The following EIF2B3 variants were observed in gnomAD, a reference collection of about 807,000 sequenced individuals.
The protein encoded by EIF2B3 is translation initiation factor eIF2B subunit gamma.
EIF2B3 carries 20 observed loss-of-function variants against 54.1 expected under a neutral mutation model. That is an observed-to-expected ratio of 0.37 (90% CI 0.26 to 0.54). The LOEUF (loss-of-function observed/expected upper bound fraction) is 0.54, where lower values mean the gene tolerates loss of function less well. EIF2B3 is among the 20% of genes least tolerant of loss of function. The pLI is 0.86. For missense variants in EIF2B3, 448 were observed against 547.8 expected (o/e 0.82, Z 1.82); for synonymous variants, 153 against 188.1 (o/e 0.81, Z 1.52).
At chr1:44,967,739 CAA>C (rs35067923) in intron 3 of EIF2B3, among the ~76,000 whole-genome samples, 1,374 of 49,470 alleles carry the variant, frequency 0.028, 9 homozygotes, top group African/African-American at 0.048. Context: ...ATGCTGTCTT[CAA>C]AAAAAAAAAA....
intron 5 of EIF2B3, among the ~76,000 whole-genome samples, chr1:44,906,973 CA>C (rs1263150398): frequency 6.6e-6 from 1 of 152,182 alleles, no homozygotes; most frequent in Non-Finnish European, 1.5e-5. Context: ...TCCTGCTGCT[CA>C]AACCTGAAAT....
chr1:44,870,758 C>G (rs986487033), intron 10 of EIF2B3, among the ~76,000 whole-genome samples: 2 of 151,830 alleles, frequency 1.3e-5, no homozygotes, highest in Non-Finnish European at 2.9e-5. Context: ...GTTCAAGTGA[C>G]CTTCCTGCCT....
intron 3 of EIF2B3, among the ~76,000 whole-genome samples, chr1:44,976,339 T>A (rs183786687): frequency 6.6e-6 from 1 of 152,064 alleles, no homozygotes; most frequent in Non-Finnish European, 1.5e-5. Context: ...AATAAACACA[T>A]GAAAAGGTGT....
intron 5 of EIF2B3, among the ~76,000 whole-genome samples, chr1:44,925,891 T>G (rs1390795557): frequency 6.8e-6 from 1 of 147,334 alleles, no homozygotes; most frequent in Non-Finnish European, 1.5e-5. Context: ...ACCATTGCAT[T>G]CCAGCCTGGG....
intron 3 of EIF2B3, among the ~76,000 whole-genome samples, chr1:44,960,693 A>C (rs1344048080): frequency 6.6e-6 from 1 of 152,050 alleles, no homozygotes; most frequent in Non-Finnish European, 1.5e-5. Flanking sequence ...TAGCATTTAC[A>C]CTGTAGATAT....
intron 3 of EIF2B3, among the ~76,000 whole-genome samples, chr1:44,974,345 T>C (rs263994): frequency 6.6e-6 from 1 of 151,152 alleles, no homozygotes; most frequent in East Asian, 1.9e-4. Flanking sequence ...TGGTGGTGCA[T>C]GCCTGTAGTC....
chr1:44,868,334 CTTGCAGTGAGCTGAGA>C (rs1435564555), intron 10 of EIF2B3, among the ~76,000 whole-genome samples: 4 of 136,808 alleles, frequency 2.9e-5, no homozygotes, highest in South Asian at 2.4e-4. Flanking sequence ...GGAGGCGGAG[CTTGCAGTGAGCTGAGA>C]TTGCGCCACT....
intron 11 of EIF2B3, among the ~76,000 whole-genome samples, chr1:44,855,484 G>C (rs1426448648): frequency 6.6e-6 from 1 of 151,866 alleles, no homozygotes; most frequent in Non-Finnish European, 1.5e-5. Context: ...TTCCCCTTCT[G>C]AGCATTTACC....
chr1:44,924,637 C>T (rs1005911044), intron 5 of EIF2B3, among the ~76,000 whole-genome samples: 1 of 151,334 alleles, frequency 6.6e-6, no homozygotes, highest in South Asian at 2.1e-4. Flanking sequence ...CCACCTGCCT[C>T]TGCCTCCCAA....
intron 8 of EIF2B3, among the ~76,000 whole-genome samples, chr1:44,879,492 G>C (rs1365644316): frequency 6.6e-6 from 1 of 152,044 alleles, no homozygotes; most frequent in Non-Finnish European, 1.5e-5. Context: ...GTATTTACCT[G>C]CTTATTATGA....
intron 3 of EIF2B3, among the ~76,000 whole-genome samples, chr1:44,947,522 T>C (rs1046807947): frequency 6.6e-6 from 1 of 151,618 alleles, no homozygotes; most frequent in Non-Finnish European, 1.5e-5. Context: ...GGGCGGGAGG[T>C]GAGGAGAGCT....
intron 3 of EIF2B3, among the ~76,000 whole-genome samples, chr1:44,956,564 A>C (rs1473605182): frequency 2.0e-5 from 3 of 152,194 alleles, no homozygotes; most frequent in Non-Finnish European, 4.4e-5. Flanking sequence ...GATGAAGCAG[A>C]TAAAAAATAA....
intron 6 of EIF2B3, among the ~76,000 whole-genome samples, chr1:44,882,733 G>C (rs1302244083): frequency 6.6e-6 from 1 of 151,574 alleles, no homozygotes; most frequent in Non-Finnish European, 1.5e-5. Flanking sequence ...TTGTGCTCCA[G>C]CCTCCCAAGT....
intron 3 of EIF2B3, among the ~76,000 whole-genome samples, chr1:44,964,574 A>G (rs908465490): frequency 6.6e-6 from 1 of 152,228 alleles, no homozygotes; most frequent in African/African-American, 2.4e-5. Flanking sequence ...TTTCATTGGC[A>G]TAGTTTGTTC....
chr1:44,866,486 T>C (rs1344921730), intron 10 of EIF2B3, among the ~76,000 whole-genome samples: 2 of 151,494 alleles, frequency 1.3e-5, no homozygotes, highest in South Asian at 2.1e-4. Context: ...CACAGTACCA[T>C]GTGAGCATGA....
intron 3 of EIF2B3, among the ~76,000 whole-genome samples, chr1:44,948,629 A>G (rs529417800): frequency 3.9e-4 from 60 of 152,218 alleles, no homozygotes; most frequent in Admixed American, 1.4e-3. Context: ...AAAAGGAATA[A>G]ATAAAACATT....
chr1:44,851,912 A>T (rs572738026), intron 11 of EIF2B3, among the ~76,000 whole-genome samples: 1 of 150,960 alleles, frequency 6.6e-6, no homozygotes, highest in Admixed American at 6.6e-5. Context: ...TTCATTTCCC[A>T]CTATTCTCCA....
At chr1:44,861,266 G>A (rs78351334) in intron 10 of EIF2B3, among the ~76,000 whole-genome samples, 2,171 of 152,286 alleles carry the variant, frequency 0.014, 112 homozygotes, top group East Asian at 0.1. Flanking sequence ...CTCCAAAAGG[G>A]GTAATAGGGA....
rs560069505 is a variant in EIF2B3, at chr1:44,955,193, G to C, written c.295-13528C>G. Among the ~76,000 whole-genome samples the C allele has an allele frequency of 4.6e-5, 7 of 152,090 alleles. No homozygotes were observed. The South Asian group carries it at 1.0e-3, about 23-fold the overall frequency. ...AGATATATAGACCAGTGGAACAGAG[G>C]CCTCAGAAATAACGCCGCACATCTA... On this transcript the variant is annotated intron_variant, in intron 3 of 11. Coordinates refer to ENST00000360403, the MANE Select transcript of EIF2B3 (RefSeq NM_020365.5).
Sources: allele counts gnomAD v4.1 joint callset (sites outside exome capture counted in the v4.1 genomes callset), GRCh38; gene constraint gnomAD v4.1.1; transcripts MANE v1.5; gene names NCBI Gene and HGNC (gene_info 2026-07-23, HGNC 2026-07-21).